DGKI: variants seen among roughly 807,000 people sequenced by gnomAD.
DGKI encodes the protein DAG kinase iota.
In DGKI, 55 loss-of-function variants were observed where a neutral mutation model predicts 147.5. The observed-to-expected ratio is 0.37, with a 90% confidence interval of 0.30 to 0.47. DGKI has a LOEUF of 0.47. DGKI is among the 20% of genes least tolerant of loss of function. DGKI has a pLI of 1.00. For synonymous variants in DGKI, 469 were observed against 477.1 expected, an observed-to-expected ratio of 0.98 and a Z score of 0.22; for missense variants, 1,007 against 1,323.8, an observed-to-expected ratio of 0.76 and a Z score of 3.71.
chr7:137,714,366 T>C (rs1794313198), intron 1 of DGKI, among the ~76,000 whole-genome samples: 1 of 152,240 alleles, frequency 6.6e-6, no homozygotes, highest in Admixed American at 6.5e-5. Flanking sequence ...CCTAAAACAA[T>C]TTACATCTTT....
intron 21 of DGKI, among the ~76,000 whole-genome samples, chr7:137,491,814 C>T (rs180708975): frequency 1.5e-3 from 222 of 152,336 alleles, no homozygotes; most frequent in Middle Eastern, 6.8e-3. Context: ...AAAGGGCCTT[C>T]CTTAGTCCTA....
intron 1 of DGKI, among the ~76,000 whole-genome samples, chr7:137,791,468 C>A (rs1204719985): frequency 2.6e-5 from 4 of 152,084 alleles, no homozygotes; most frequent in African/African-American, 9.7e-5. Flanking sequence ...AAAAGGCAAG[C>A]CAACTTTAAA....
chr7:137,581,244 A>G (rs1188131844), intron 15 of DGKI, among the ~76,000 whole-genome samples: 5 of 152,122 alleles, frequency 3.3e-5, no homozygotes, highest in African/African-American at 1.2e-4. Context: ...TGAAATCACT[A>G]CATGGTCTCA....
intron 28 of DGKI, among the ~76,000 whole-genome samples, chr7:137,422,218 G>C (rs1394937996): frequency 6.6e-6 from 1 of 152,164 alleles, no homozygotes; most frequent in Non-Finnish European, 1.5e-5. Context: ...ATGGGTTACA[G>C]GGCCAATAGA....
intron 2 of DGKI, among the ~76,000 whole-genome samples, chr7:137,688,837 A>G (rs944926666): frequency 1.3e-5 from 2 of 152,178 alleles, no homozygotes; most frequent in Non-Finnish European, 2.9e-5. Context: ...CTATACACCA[A>G]TTCAACAGGC....
intron 23 of DGKI, among the ~76,000 whole-genome samples, chr7:137,470,128 A>T (rs1814823932): frequency 1.3e-5 from 2 of 152,228 alleles, no homozygotes; most frequent in Admixed American, 1.3e-4. Context: ...TACTGAGGTC[A>T]TCTCTAACCT....
At chr7:137,785,776 T>G (rs1298373245) in intron 1 of DGKI, among the ~76,000 whole-genome samples, 2 of 152,086 alleles carry the variant, frequency 1.3e-5, no homozygotes, top group East Asian at 3.8e-4. Context: ...ATAATCCACA[T>G]GATCAAGTGT....
intron 1 of DGKI, among the ~76,000 whole-genome samples, chr7:137,695,649 T>C (rs1823756629): frequency 6.6e-6 from 1 of 152,220 alleles, no homozygotes; most frequent in African/African-American, 2.4e-5. Flanking sequence ...CCAGAAGGTA[T>C]ATACTTAACC....
At chr7:137,543,471 C>T (rs2128962291) in intron 20 of DGKI, among the ~76,000 whole-genome samples, 1 of 152,060 alleles carries the variant, frequency 6.6e-6, no homozygotes, top group Admixed American at 6.5e-5. Context: ...GTTGCAATTC[C>T]TAATAATTCA....
intron 8 of DGKI, among the ~76,000 whole-genome samples, chr7:137,611,155 C>A (rs1820349879): frequency 6.6e-6 from 1 of 152,102 alleles, no homozygotes; most frequent in Non-Finnish European, 1.5e-5. Context: ...TGATAGATTT[C>A]TGTTTGTTTA....
chr7:137,708,508 G>A (rs1794116637), intron 1 of DGKI, among the ~76,000 whole-genome samples: 1 of 152,204 alleles, frequency 6.6e-6, no homozygotes, highest in Admixed American at 6.5e-5. Context: ...GAACTTGGTT[G>A]TAATTCTAAG....
intron 6 of DGKI, among the ~76,000 whole-genome samples, chr7:137,629,174 T>C (rs529588806): frequency 6.6e-6 from 1 of 152,052 alleles, no homozygotes; most frequent in Non-Finnish European, 1.5e-5. Flanking sequence ...ATATTTATCT[T>C]AAAACACAGA....
chr7:137,448,445 A>T (rs550387173), intron 27 of DGKI, among the ~76,000 whole-genome samples: 9 of 151,334 alleles, frequency 5.9e-5, no homozygotes, highest in Admixed American at 5.9e-4. Context: ...CATAAAGCAG[A>T]TAAAAATGAT....
intron 20 of DGKI, among the ~76,000 whole-genome samples, chr7:137,525,765 G>A (rs543672323): frequency 4.6e-5 from 7 of 152,168 alleles, no homozygotes; most frequent in South Asian, 4.2e-4. Context: ...TCTGAAAATC[G>A]TTCTCCTAGA....
chr7:137,830,188 A>G (rs1307751190), intron 1 of DGKI, among the ~76,000 whole-genome samples: 1 of 152,228 alleles, frequency 6.6e-6, no homozygotes, highest in Non-Finnish European at 1.5e-5. Context: ...GGCAGTCTGG[A>G]TATTCAACTT....
intron 1 of DGKI, among the ~76,000 whole-genome samples, chr7:137,776,815 A>G (rs1246680738): frequency 1.3e-5 from 2 of 152,148 alleles, no homozygotes; most frequent in Non-Finnish European, 2.9e-5. Flanking sequence ...GCTCAAAGCA[A>G]AAATGGACTG....
intron 28 of DGKI, among the ~76,000 whole-genome samples, chr7:137,426,377 C>G (rs1812806699): frequency 6.6e-6 from 1 of 152,066 alleles, no homozygotes. Context: ...GCAGGCCTGC[C>G]CTAAAAGAGC....
intron 20 of DGKI, among the ~76,000 whole-genome samples, chr7:137,548,033 T>C (rs945594661): frequency 6.6e-6 from 1 of 151,962 alleles, no homozygotes; most frequent in African/African-American, 2.4e-5. Flanking sequence ...AAGGGAGTGA[T>C]CAAAAAGGTC....
At chr7:137,504,608 T>C (rs1272372735) in intron 21 of DGKI, among the ~76,000 whole-genome samples, 3 of 152,190 alleles carry the variant, frequency 2.0e-5, no homozygotes, top group Non-Finnish European at 4.4e-5. Flanking sequence ...TTGTTAACAC[T>C]ATGTATATAC....
Sources: allele counts gnomAD v4.1 joint callset (sites outside exome capture counted in the v4.1 genomes callset), GRCh38; gene constraint gnomAD v4.1.1; transcripts MANE v1.5; gene names NCBI Gene and HGNC (gene_info 2026-07-23, HGNC 2026-07-21).